PES1: variants seen among roughly 807,000 people sequenced by gnomAD.
PES1 encodes pescadillo homolog.
A neutral mutation model predicts 77.1 loss-of-function variants in PES1; 31 were observed. The ratio of observed to expected loss-of-function variants is 0.40; its 90% CI spans 0.30 to 0.54. The LOEUF is 0.54. Among genes scored for constraint, PES1 ranks in the 20% least tolerant of loss-of-function variants. PES1 has a pLI of 0.45. For synonymous variants in PES1, 282 were observed against 303.0 expected (o/e 0.93, Z 0.72); for missense variants, 658 against 771.7 (o/e 0.85, Z 1.75).
chr22:30,586,330 C>G (rs1358908745), intron 4 of PES1, among the ~76,000 whole-genome samples: 1 of 152,200 alleles, frequency 6.6e-6, no homozygotes, highest in African/African-American at 2.4e-5. Flanking sequence ...GGGATGCGAA[C>G]ACCAGCTGTC....
At chr22:30,584,997 G>A (rs1006244114) in intron 4 of PES1, among the ~76,000 whole-genome samples, 8 of 152,180 alleles carry the variant, frequency 5.3e-5, no homozygotes, top group Non-Finnish European at 8.8e-5. Flanking sequence ...ACCCACGTGC[G>A]GATTTTGTGG....
At position 30,579,203 on chromosome 22, in the gene PES1, C is replaced by G; in HGVS notation, c.1455G>C (p.Glu485Asp). The change falls in exon 13 of 15, where the codon GAG (glutamate) becomes GAC (aspartate). Residue 485 changes from glutamate (E) to aspartate (D), a missense_variant. Transcript: ENST00000354694. Reference protein sequence around the residue: ...GENEEEEEDAEAGSEKEEEAR... With the variant: ...GENEEEEEDADAGSEKEEEAR... The stretch of plus-strand genomic sequence containing the variant: ...CCTCTTCCTCCTTTTCTGAACCAGC[C>G]TCTGCATCTTCCTCCTCCTCCTCAT... 2 of 1,607,790 alleles carry G rather than the reference C, an allele frequency of 1.2e-6. No homozygotes were observed. Among genetic ancestry groups the G allele is most frequent in the Non-Finnish European group, 1.7e-6 (2 of 1,179,322 alleles).
At chr22:30,593,832 G>A (rs1175338392), upstream of PES1, among the ~76,000 whole-genome samples, 2 of 152,206 alleles carry the variant, frequency 1.3e-5, no homozygotes, top group Non-Finnish European at 2.9e-5. Flanking sequence ...AGTGATCGCT[G>A]AAGATCACTC....
intron 4 of PES1, among the ~76,000 whole-genome samples, chr22:30,586,047 G>C (rs1262309940): frequency 6.6e-6 from 1 of 152,208 alleles, no homozygotes; most frequent in East Asian, 1.9e-4. Flanking sequence ...AACAGCACCA[G>C]CATTTCTGGG....
chr22:30,578,519 T>TC (rs922666260), intron 14 of PES1, among the ~76,000 whole-genome samples: 8 of 151,268 alleles, frequency 5.3e-5, no homozygotes, highest in Non-Finnish European at 8.9e-5. Flanking sequence ...TTAACAAAGC[T>TC]CCCCCCCGCC....
chr22:30,581,083 C>A lies in PES1; in HGVS notation c.841G>T (p.Ala281Ser). 6.2e-7 allele frequency: 1 copy of A among 1,608,998 alleles called. No individual in the cohort carries two copies. The highest frequency in any genetic ancestry group is 8.5e-7 in the Non-Finnish European group (1 of 1,178,362). ...SCMEKLAALS[A>S]SLARVVVPAT... is the part of the protein sequence containing the mutation. ...GGCACCACCACGCGGGCCAGGCTGG[C>A]ACTGAGGGCTGCCAGTTTCTACAGG... The change falls in exon 9 of 15, where the codon GCC (alanine) becomes TCC (serine). Residue 281 changes from alanine (A) to serine (S), a missense_variant. Physicochemically the swap from Ala to Ser is moderately conservative, Grantham distance 99 (BLOSUM62 1). Coordinates refer to ENST00000354694, the MANE Select transcript of PES1 (RefSeq NM_014303.4).
At chr22:30,601,593 C>T (rs545887988) in intron 2 of PES1, among the ~76,000 whole-genome samples, 11 of 151,546 alleles carry the variant, frequency 7.3e-5, no homozygotes, top group Non-Finnish European at 1.2e-4. Flanking sequence ...GGATTACAGG[C>T]GTAAGCCACT....
At chr22:30,605,527 G>A in intron 1 of PES1, 1 of 978,842 alleles carries the variant, frequency 1.0e-6, no homozygotes, top group Non-Finnish European at 1.2e-6. Flanking sequence ...CCTGGAAATA[G>A]GAATCATAAT....
Position 30,591,865 on chromosome 22 carries a change from G to T in PES1, c.-32C>A. 2.6e-6 allele frequency: 4 copies of T among 1,544,964 alleles called. No individual in the cohort carries two copies. The highest frequency in any genetic ancestry group is 1.7e-4 in the Middle Eastern group (1 of 5,980). On this transcript the variant is annotated 5_prime_UTR_variant, in exon 1 of 15. Coordinates refer to ENST00000354694, the MANE Select transcript of PES1 (RefSeq NM_014303.4). ...ACGTTGAGGAGCCGACTAGGGCCGC[G>T]CGTACAGGGAGCTCCACTTCCTCCC...
rs149353540 is a variant in PES1 at position 30,599,399 on chromosome 22, C to T, written c.-661+6062G>A. Among the ~76,000 whole-genome samples the T allele has an allele frequency of 1.3e-4, 20 of 152,146 alleles. 2 individuals are homozygous for T. In the East Asian group the frequency reaches 3.9e-3, roughly 29 times the overall value. On this transcript the variant is annotated intron_variant, in intron 2 of 16. Transcript: ENST00000402281. ...ATAAACCCAGCCGAAACCAAAATGA[C>T]CTTTGTGTGTGATTTTTTGATAAAT...
At chr22:30,587,093 T>G in intron 4 of PES1, 193 bp downstream of exon 4, 1 of 565,714 alleles carries the variant, frequency 1.8e-6, no homozygotes, top group African/African-American at 1.9e-5. Flanking sequence ...GAGACCCCTC[T>G]GACAAGCCTG....
At chr22:30,606,274 A>C (rs1460522918) in intron 1 of PES1, among the ~76,000 whole-genome samples, 2 of 151,992 alleles carry the variant, frequency 1.3e-5, no homozygotes, top group Non-Finnish European at 2.9e-5. Context: ...TTTGTCACCC[A>C]AGCTGGAGTG....
In PES1 at chr22:30,599,434, TTAATA is replaced by T. The variant is rs541976876; in HGVS notation, c.-661+6022_-661+6026del. Among the ~76,000 whole-genome samples the T allele has an allele frequency of 1.2e-3, 180 of 152,222 alleles. 1 individual carries two copies. The highest frequency in any genetic ancestry group is 3.9e-3 in the African/African-American group (163 of 41,544). On this transcript the variant is annotated intron_variant, in intron 2 of 16. Coordinates refer to the PES1 transcript ENST00000402281. ...TGATTTTTTGATAAATATGACTAAT[TTAATA>T]TAACTAGTTTAATAGGAAACAGCGA...
intron 2 of PES1, among the ~76,000 whole-genome samples, chr22:30,600,057 C>T (rs1347104792): frequency 6.6e-6 from 1 of 152,108 alleles, no homozygotes; most frequent in Non-Finnish European, 1.5e-5. Context: ...CAGGGCCAGG[C>T]TAGGTGGCTC....
At chr22:30,602,450 T>TTTTTTTTG (rs2087370803) in intron 2 of PES1, among the ~76,000 whole-genome samples, 1 of 150,824 alleles carries the variant, frequency 6.6e-6, no homozygotes, top group African/African-American at 2.4e-5. Context: ...TTTTTTTTTT[T>TTTTTTTTG]GACACAAGAG....
rs145325046 is a variant in PES1 at position 30,580,175 on chromosome 22, A to G, written c.1047T>C (p.Ser349=). 4.6e-4 allele frequency: 742 copies of G among 1,610,766 alleles called. 2 individuals carry two copies. Among genetic ancestry groups the G allele is most frequent in the Non-Finnish European group, 6.1e-4 (715 of 1,178,562 alleles). Residue 349 remains serine (S), a synonymous_variant, in exon 11 of 15, where the codon AGT becomes AGC. Coordinates refer to ENST00000354694, the MANE Select transcript of PES1 (RefSeq NM_014303.4). The stretch of plus-strand genomic sequence containing the variant: ...TGTCCCAGGACACTTCCCCACCAAA[A>G]CTCCTACAGGGACAGGGAGAGCCCA... ...PREALAFIIR[S]FGGEVSWDKS... is the part of the protein sequence containing the mutation.
At chr22:30,595,826 G>A (rs181942843), upstream of PES1, among the ~76,000 whole-genome samples, 43 of 152,260 alleles carry the variant, frequency 2.8e-4, no homozygotes, top group African/African-American at 1.0e-3. Context: ...GTGTAATCCG[G>A]TCAAACTCAG....
upstream of PES1, chr22:30,591,927 A>AC (rs1468227426): frequency 1.4e-6 from 2 of 1,467,634 alleles, no homozygotes; most frequent in Non-Finnish European, 1.8e-6. Context: ...GACCCTCCCC[A>AC]CCCCACGCTG....
rs1189790237 is a variant in PES1, at chr22:30,606,397, A to ATT, written c.-718+410_-718+411dup. Reference sequence around the variant, plus strand: ...AGACGTCTGCCACCACGCCAGGCTAATTTATGGTTTTTTGTATGTGTTTTT... The same window carrying ATT: ...AGACGTCTGCCACCACGCCAGGCTAATTTTTATGGTTTTTTGTATGTGTTTTT... On this transcript the variant is annotated intron_variant, in intron 1 of 16. Coordinates refer to the PES1 transcript ENST00000402281. Among the ~76,000 whole-genome samples the ATT allele has an allele frequency of 5.9e-5, 9 of 151,906 alleles. No homozygotes were observed. The East Asian group carries it at 1.7e-3, about 30-fold the overall frequency.
Sources: gnomAD v4.1 joint callset for allele counts (sites outside exome capture counted in the v4.1 genomes callset) on GRCh38, gnomAD v4.1.1 for gene constraint, MANE v1.5 for transcripts, NCBI Gene and HGNC (gene_info 2026-07-23, HGNC 2026-07-21) for gene names.